The following GLIS3 variants were observed in gnomAD, a reference collection of about 807,000 sequenced individuals.
The protein encoded by GLIS3 is zinc finger protein GLIS3.
GLIS3 carries 53 observed loss-of-function variants against 78.6 expected under a neutral mutation model. The ratio of observed to expected loss-of-function variants is 0.67; its 90% CI spans 0.54 to 0.85. The LOEUF (loss-of-function observed/expected upper bound fraction) is 0.85, where lower values mean the gene tolerates loss of function less well. Ranked by LOEUF, GLIS3 falls within the 40% of genes least tolerant of loss-of-function variation. The pLI is 0.00. For synonymous variants in GLIS3, 684 were observed against 509.9 expected, an observed-to-expected ratio of 1.34 and a Z score of -4.60; for missense variants, 1,703 against 1,231.1, an observed-to-expected ratio of 1.38 and a Z score of -5.74.
intron 3 of GLIS3, among the ~76,000 whole-genome samples, chr9:4,119,803 G>A (rs1294335498): frequency 6.6e-6 from 1 of 152,204 alleles, no homozygotes; most frequent in Non-Finnish European, 1.5e-5. Context: ...GGTTCATAAT[G>A]TAGCTCTGGT....
intron 1 of GLIS3, among the ~76,000 whole-genome samples, chr9:4,297,381 G>A (rs1205586419): frequency 6.6e-6 from 1 of 152,192 alleles, no homozygotes; most frequent in African/African-American, 2.4e-5. Context: ...CTGGGGCTCG[G>A]TTTCCTCATC....
intron 8 of GLIS3, among the ~76,000 whole-genome samples, chr9:3,865,526 T>C (rs989952409): frequency 6.6e-6 from 1 of 152,224 alleles, no homozygotes; most frequent in Non-Finnish European, 1.5e-5. Context: ...AGAAACAGCA[T>C]ATGACAAGAA....
chr9:3,829,640 C>A, intron 9 of GLIS3, 148 bp from the exon 10 acceptor site: 1 of 752,996 alleles, frequency 1.3e-6, no homozygotes, highest in Non-Finnish European at 2.3e-6. Context: ...TCCAAGCAAA[C>A]ATTTGGAATG....
Position 4,095,143 on chromosome 9 carries a change from T to G in GLIS3, c.1710+22625A>C, listed in dbSNP as rs976156144. The stretch of plus-strand genomic sequence containing the variant: ...AGAACTTATTCCTCCTATCTAGCTG[T>G]AATTTTGTATCCTTTAACAAATCTC... On this transcript the variant is annotated intron_variant, in intron 4 of 10. Coordinates refer to ENST00000381971, the MANE Select transcript of GLIS3 (RefSeq NM_001042413.2). 2.6e-5 allele frequency among the ~76,000 whole-genome samples: 4 copies of G among 152,310 alleles called. No individual in the cohort carries two copies. The East Asian group carries it at 7.7e-4, about 29-fold the overall frequency.
intron 8 of GLIS3, among the ~76,000 whole-genome samples, chr9:3,866,505 C>A (rs1179018954): frequency 6.6e-6 from 1 of 152,204 alleles, no homozygotes; most frequent in African/African-American, 2.4e-5. Flanking sequence ...TTTAGATAGT[C>A]AAGAAGGGCC....
chr9:4,362,623 G>T, the GLIS3 span, among the ~76,000 whole-genome samples: 1 of 152,178 alleles, frequency 6.6e-6, no homozygotes, highest in African/African-American at 2.4e-5. Context: ...AGTGGCAAAG[G>T]AATCTTACCT....
the GLIS3 span, among the ~76,000 whole-genome samples, chr9:4,390,319 T>C: frequency 3.3e-5 from 5 of 152,202 alleles, no homozygotes; most frequent in African/African-American, 4.8e-5. Context: ...GTAGACTTTG[T>C]GGCAGTCTAA....
upstream of GLIS3, among the ~76,000 whole-genome samples, chr9:4,349,747 T>G (rs912784388): frequency 6.6e-6 from 1 of 152,138 alleles, no homozygotes; most frequent in Non-Finnish European, 1.5e-5. Flanking sequence ...AAGCAGGGCT[T>G]GACAGCAAAA....
At chr9:4,156,703 G>A (rs879753556) in intron 2 of GLIS3, among the ~76,000 whole-genome samples, 2 of 152,156 alleles carry the variant, frequency 1.3e-5, no homozygotes, top group East Asian at 1.9e-4. Context: ...AGCCCTTTAA[G>A]GGTCATTATG....
intron 7 of GLIS3, among the ~76,000 whole-genome samples, chr9:3,882,926 A>G (rs991486308): frequency 2.6e-5 from 4 of 152,214 alleles, no homozygotes; most frequent in Non-Finnish European, 5.9e-5. Context: ...AGAAGCCTGT[A>G]AGTCAGTGTC....
intron 2 of GLIS3, among the ~76,000 whole-genome samples, chr9:4,331,760 C>A (rs13286735): frequency 0.15 from 22,358 of 151,942 alleles, 2,027 homozygotes; most frequent in Admixed American, 0.28. Context: ...TAAGGTGAGA[C>A]CTGAAGGATG....
chr9:4,301,917 G>A (rs935813916), upstream of GLIS3, among the ~76,000 whole-genome samples: 2 of 151,962 alleles, frequency 1.3e-5, no homozygotes, highest in African/African-American at 2.4e-5. Context: ...TTATTTAGGT[G>A]TGATTTTCAT....
chr9:3,974,354 GT>G (rs1416265431), intron 4 of GLIS3, among the ~76,000 whole-genome samples: 2 of 152,154 alleles, frequency 1.3e-5, no homozygotes, highest in African/African-American at 4.8e-5. Context: ...CGAATGCAGA[GT>G]TAACAGTGGG....
chr9:3,969,886 G>A (rs1818254165), intron 4 of GLIS3, among the ~76,000 whole-genome samples: 1 of 152,200 alleles, frequency 6.6e-6, no homozygotes, highest in Non-Finnish European at 1.5e-5. Flanking sequence ...TTCAGGGAAG[G>A]AAGCTAGGTG....
the GLIS3 span, among the ~76,000 whole-genome samples, chr9:4,387,417 C>G: frequency 6.6e-6 from 1 of 152,158 alleles, no homozygotes; most frequent in African/African-American, 2.4e-5. Flanking sequence ...TTCAGCATGT[C>G]ATTCATAGGT....
chr9:3,988,801 T>C (rs1216370950), intron 4 of GLIS3, among the ~76,000 whole-genome samples: 5 of 151,874 alleles, frequency 3.3e-5, no homozygotes, highest in Admixed American at 3.3e-4. Flanking sequence ...AACAGCACCA[T>C]ACAACTTTCA....
intron 2 of GLIS3, among the ~76,000 whole-genome samples, chr9:4,321,695 T>C (rs956408285): frequency 6.9e-6 from 1 of 144,000 alleles, no homozygotes; most frequent in Non-Finnish European, 1.5e-5. Context: ...CATCTCTGCA[T>C]TTTGTGTTTA....
chr9:4,467,520 C>T, the GLIS3 span, among the ~76,000 whole-genome samples: 3 of 152,190 alleles, frequency 2.0e-5, no homozygotes, highest in African/African-American at 4.8e-5. Context: ...AGGCAAACAG[C>T]GTCTGCAGTG....
chr9:4,007,153 C>G (rs1411862575), intron 4 of GLIS3, among the ~76,000 whole-genome samples: 1 of 152,174 alleles, frequency 6.6e-6, no homozygotes, highest in Non-Finnish European at 1.5e-5. Flanking sequence ...CATCCAAACA[C>G]CCAACAGGGT....
Sources: gnomAD v4.1 joint callset for allele counts (sites outside exome capture counted in the v4.1 genomes callset) on GRCh38, gnomAD v4.1.1 for gene constraint, MANE v1.5 for transcripts, NCBI Gene and HGNC (gene_info 2026-07-23, HGNC 2026-07-21) for gene names.